The following SLC5A10 variants were observed in gnomAD, a reference collection of about 807,000 sequenced individuals.
SLC5A10 encodes solute carrier family 5 member 10.
Under a neutral mutation model 68.9 loss-of-function variants are expected in SLC5A10, and 55 were observed. That is an observed-to-expected ratio of 0.80 (90% confidence interval 0.64 to 1.00). SLC5A10 has a LOEUF of 1.00. Among genes scored for constraint, SLC5A10 ranks in the 50% least tolerant of loss-of-function variants. The pLI is 0.00. For synonymous variants in SLC5A10, 344 were observed against 344.8 expected (o/e 1.00, Z 0.02); for missense variants, 732 against 819.3 (o/e 0.89, Z 1.30).
chr17:18,991,467 C>T (rs928556087), intron 9 of SLC5A10, among the ~76,000 whole-genome samples: 3 of 152,222 alleles, frequency 2.0e-5, no homozygotes, highest in African/African-American at 4.8e-5. Context: ...CAAGCCCACA[C>T]GTCCTCTCAG....
At chr17:19,009,537 CTCAGG>C (rs2043970351) in intron 9 of SLC5A10, among the ~76,000 whole-genome samples, 1 of 152,186 alleles carries the variant, frequency 6.6e-6, no homozygotes, top group African/African-American at 2.4e-5. Context: ...TGGATTTGTA[CTCAGG>C]TCTGGGAGCC....
intron 9 of SLC5A10, among the ~76,000 whole-genome samples, chr17:18,984,118 G>A (rs1015654378): frequency 2.6e-5 from 4 of 151,976 alleles, no homozygotes; most frequent in African/African-American, 7.3e-5. Context: ...CGAGGCGGGC[G>A]GATCACGAGG....
At chr17:18,994,626 A>G (rs1335922628) in intron 9 of SLC5A10, among the ~76,000 whole-genome samples, 1 of 152,158 alleles carries the variant, frequency 6.6e-6, no homozygotes, top group Non-Finnish European at 1.5e-5. Context: ...AGGACCGGGA[A>G]TAGTGTATGT....
At position 18,968,915 on chromosome 17, in the gene SLC5A10, G is replaced by A. The variant is rs1233674793; in HGVS notation, c.454-137G>A. 3 of 708,384 alleles carry A rather than the reference G, an allele frequency of 4.2e-6. No individual in the cohort carries two copies. The highest frequency in any genetic ancestry group is 4.6e-6 in the Non-Finnish European group (2 of 436,746). 43.9% of individuals were successfully genotyped at this position (708,384 alleles called of 1,614,324 possible). A position where few individuals can be genotyped will look rare whatever the true frequency, so the allele number is the denominator to read the frequency against. On this transcript the variant is annotated intron_variant, in intron 5 of 14. Coordinates refer to ENST00000395645, the MANE Select transcript of SLC5A10 (RefSeq NM_001042450.4). This position sits in a 1 kb window ranked among gnomAD's most constrained non-coding sequence, Gnocchi z 4.1. ...TCACAATGGCCCCGTGATGCAGGCAGGCAGGCGAGTGGGGGTCTCCCCTCC... is the reference window on the plus strand; with the variant it reads ...TCACAATGGCCCCGTGATGCAGGCAAGCAGGCGAGTGGGGGTCTCCCCTCC...
At chr17:18,974,396 C>T (rs115914760) in intron 8 of SLC5A10, among the ~76,000 whole-genome samples, 1,855 of 152,336 alleles carry the variant, frequency 0.012, 33 homozygotes, top group African/African-American at 0.042. Flanking sequence ...GGCAAAGGGT[C>T]CAGTGGACAG....
rs1384819836 is a variant in SLC5A10, at chr17:19,017,843, A to T, written c.1242-1580A>T. ...CCACCCTGATGGTGGCATGGGAGGG[A>T]GTGGCATTCCAGGCAGAAGGAGCAG... On this transcript the variant is annotated intron_variant, in intron 11 of 14. Transcript: ENST00000395645. The surrounding 1 kb of genome is among the most constrained non-coding windows in gnomAD (Gnocchi z 5.6). 1 of 155,930 alleles carries T rather than the reference A, an allele frequency of 6.4e-6. No individual in the cohort carries two copies. Among genetic ancestry groups the T allele is most frequent in the Non-Finnish European group, 1.4e-5 (1 of 70,466 alleles). 9.7% of individuals were successfully genotyped at this position (155,930 alleles called of 1,614,324 possible).
intron 9 of SLC5A10, among the ~76,000 whole-genome samples, chr17:18,984,809 G>T (rs1483385021): frequency 6.6e-6 from 1 of 152,364 alleles, no homozygotes; most frequent in African/African-American, 2.4e-5. Flanking sequence ...GTCAGTGAAA[G>T]TTCTGGCCCT....
intron 7 of SLC5A10, 184 bp from the exon 8 acceptor site, chr17:18,970,829 T>C: frequency 1.7e-6 from 1 of 599,920 alleles, no homozygotes; most frequent in East Asian, 2.8e-5. Flanking sequence ...GTCATTCAAA[T>C]ACACCTTAAA....
In SLC5A10 at chr17:18,978,598, G is replaced by A. The variant is rs139570154; in HGVS notation, c.982+1609G>A. Reference sequence around the variant, plus strand: ...AGGAGATCTTGGCAATCTCGTCGACGCTCTTGGCCTTGACAAGTGCGTACT... The same window carrying A: ...AGGAGATCTTGGCAATCTCGTCGACACTCTTGGCCTTGACAAGTGCGTACT... On this transcript the variant is annotated intron_variant, in intron 9 of 14. Coordinates refer to ENST00000395645, the MANE Select transcript of SLC5A10 (RefSeq NM_001042450.4). 701 of 1,613,126 alleles carry A rather than the reference G, an allele frequency of 4.3e-4. 1 individual carries two copies. The African/African-American group carries it at 7.9e-3, about 18-fold the overall frequency.
intron 9 of SLC5A10, among the ~76,000 whole-genome samples, chr17:19,011,071 C>T (rs1313413158): frequency 6.6e-6 from 1 of 152,220 alleles, no homozygotes; most frequent in Admixed American, 6.5e-5. Flanking sequence ...CGGCCCTGGA[C>T]CAGGCGATAC....
chr17:19,003,767 T>A lies in SLC5A10; in HGVS notation c.983-9643T>A. The A allele has an allele frequency of 6.2e-7, 1 of 1,609,376 alleles. No individual in the cohort carries two copies. The highest frequency in any genetic ancestry group is 8.5e-7 in the Non-Finnish European group (1 of 1,178,420). On this transcript the variant is annotated intron_variant, in intron 9 of 14. Coordinates refer to ENST00000395645, the MANE Select transcript of SLC5A10 (RefSeq NM_001042450.4). The surrounding 1 kb of genome is among the most constrained non-coding windows in gnomAD (Gnocchi z 4.5). ...TTCCTCGCCGTCGCCGACCCCATTG[T>A]CCTCGGGCCCCTGAGAGGGGCCCGT...
intron 1 of SLC5A10, chr17:18,953,924 C>A (rs926096307): frequency 6.6e-6 from 1 of 152,240 alleles, no homozygotes; most frequent in Admixed American, 6.5e-5. Context: ...GGCTCCTCAA[C>A]CTGTATGTGA....
At chr17:18,959,515 G>T in intron 3 of SLC5A10, 89 bp from the exon 4 acceptor site, 2 of 1,409,986 alleles carry the variant, frequency 1.4e-6, no homozygotes. Context: ...CAGGCCTCCG[G>T]ATGGCTCATC....
intron 4 of SLC5A10, 135 bp from the exon 5 acceptor site, chr17:18,960,413 T>C: frequency 5.1e-6 from 4 of 782,700 alleles, no homozygotes; most frequent in Non-Finnish European, 8.7e-6. Flanking sequence ...AAGGGGTCAG[T>C]GCCTGGGCCT....
rs773656939 is a variant in SLC5A10 at position 18,960,667 on chromosome 17, G to A, written c.453+15G>A. ...CCAAGATATCGGTGAGCTGCCCCCG[G>A]CTCCCTGCTGGCATAGCCTGGAAAC... On this transcript the variant is annotated intron_variant, in intron 5 of 14. Coordinates refer to ENST00000395645, the MANE Select transcript of SLC5A10 (RefSeq NM_001042450.4). 15 of 1,610,974 alleles carry A rather than the reference G, an allele frequency of 9.3e-6. No individual in the cohort carries two copies. The African/African-American group carries it at 1.9e-4, about 20-fold the overall frequency.
At chr17:18,978,575 G>A (rs1320196691) in intron 9 of SLC5A10, 2 of 1,613,268 alleles carry the variant, frequency 1.2e-6, no homozygotes, top group South Asian at 2.2e-5. Context: ...CTTCTCAGAG[G>A]AGATCTTGGC....
At position 18,971,137 on chromosome 17, in the gene SLC5A10, C is replaced by G. The variant is rs1268192687; in HGVS notation, c.765C>G (p.Asp255Glu). The G allele has an allele frequency of 1.2e-6, 2 of 1,614,138 alleles. No individual in the cohort carries two copies. Among genetic ancestry groups the G allele is most frequent in the Admixed American group, 3.3e-5 (2 of 60,032 alleles). ...PRTDAMHMFR[D>E]PHTGDLPWTG... The stretch of plus-strand genomic sequence containing the variant: ...CAGACGCCATGCACATGTTTCGAGA[C>G]CCCCACACAGGGGACCTGCCGTGGA... The change falls in exon 8 of 15, where the codon GAC becomes GAG. Residue 255 changes from aspartate (D) to glutamate (E), a missense_variant. Asp to Glu is a conservative substitution (Grantham distance 45). Transcript: ENST00000395645. This position sits in a 1 kb window ranked among gnomAD's most constrained non-coding sequence, Gnocchi z 5.5.
At position 19,013,480 on chromosome 17, in the gene SLC5A10, C is replaced by A; in HGVS notation, c.1053C>A (p.Ile351=). Residue 351 remains isoleucine (I), a synonymous_variant, in exon 10 of 15, where the codon ATC becomes ATA. Coordinates refer to ENST00000395645, the MANE Select transcript of SLC5A10 (RefSeq NM_001042450.4). Reference sequence around the variant, plus strand: ...GGGCCGAGGTCGGCTGCTCCAACATCGCCTACCCCAAGCTGGTCATGGAAC... The same window carrying A: ...GGGCCGAGGTCGGCTGCTCCAACATAGCCTACCCCAAGCTGGTCATGGAAC... ...ACGAEVGCSN[I]AYPKLVMELM... is the part of the protein sequence containing the mutation. 1 of 1,579,328 alleles carries A rather than the reference C, an allele frequency of 6.3e-7. No homozygotes were observed.
chr17:19,012,986 C>T (rs1259943135), intron 9 of SLC5A10, among the ~76,000 whole-genome samples: 2 of 152,054 alleles, frequency 1.3e-5, no homozygotes, highest in Non-Finnish European at 2.9e-5. Context: ...TGAGTGAACA[C>T]AAAGCCCAGG....
Sources: gnomAD v4.1 joint callset for allele counts (sites outside exome capture counted in the v4.1 genomes callset) on GRCh38, gnomAD v4.1.1 for gene constraint, Gnocchi (gnomAD v3.1) non-coding constraint, MANE v1.5 for transcripts, NCBI Gene and HGNC (gene_info 2026-07-23, HGNC 2026-07-21) for gene names.